The following BACH2 variants were observed in gnomAD, a reference collection of about 807,000 sequenced individuals.
BACH2 encodes BACH transcriptional regulator 2, also known as transcription regulator protein BACH2.
A neutral mutation model predicts 61.8 loss-of-function variants in BACH2; 5 were observed. That is an observed-to-expected ratio of 0.08 (90% CI 0.04 to 0.17). BACH2 has a LOEUF of 0.17. BACH2 is among the 10% of genes least tolerant of loss of function. The probability of loss-of-function intolerance (pLI) is 1.00; values close to 1 mark genes in which losing one functional copy is unlikely to be tolerated. For synonymous variants in BACH2, 446 were observed against 440.1 expected (o/e 1.01, Z -0.17); for missense variants, 824 against 1,091.1 (o/e 0.76, Z 3.45).
At chr6:90,173,811 G>A (rs1767897838) in intron 4 of BACH2, among the ~76,000 whole-genome samples, 1 of 152,090 alleles carries the variant, frequency 6.6e-6, no homozygotes, top group Non-Finnish European at 1.5e-5. Flanking sequence ...AAATATGTGA[G>A]TTTGATCATA....
At chr6:90,186,637 C>T (rs1461958491) in intron 4 of BACH2, among the ~76,000 whole-genome samples, 1 of 152,104 alleles carries the variant, frequency 6.6e-6, no homozygotes, top group Non-Finnish European at 1.5e-5. Context: ...TTAAATTAAA[C>T]TGGAGAAGTC....
chr6:90,237,806 T>A (rs1255049592), intron 3 of BACH2, among the ~76,000 whole-genome samples: 1 of 152,158 alleles, frequency 6.6e-6, no homozygotes, highest in Non-Finnish European at 1.5e-5. Context: ...GGGATGTTGA[T>A]CAAATCCAGG....
At chr6:90,216,496 T>C (rs1450853624) in intron 3 of BACH2, among the ~76,000 whole-genome samples, 1 of 152,138 alleles carries the variant, frequency 6.6e-6, no homozygotes, top group Non-Finnish European at 1.5e-5. Context: ...TAAACAGCAC[T>C]GGGAAACTCA....
chr6:90,126,087 TAAG>T (rs1783838455), intron 4 of BACH2, among the ~76,000 whole-genome samples: 1 of 152,176 alleles, frequency 6.6e-6, no homozygotes, highest in South Asian at 2.1e-4. Context: ...ACAGGTGGAA[TAAG>T]GTCTTTAATA....
At position 90,059,518 on chromosome 6, in the gene BACH2, C is replaced by T. The variant is rs559203927; in HGVS notation, c.-13+29443G>A. On this transcript the variant is annotated intron_variant, in intron 5 of 8. Coordinates refer to ENST00000257749, the MANE Select transcript of BACH2 (RefSeq NM_021813.4). ...GTGGAGAAATAGGAACACTTTTACACTGTTGGTAGGACTGTAAACTAGTTC... is the reference window on the plus strand; with the variant it reads ...GTGGAGAAATAGGAACACTTTTACATTGTTGGTAGGACTGTAAACTAGTTC... Among the ~76,000 whole-genome samples the T allele has an allele frequency of 9.8e-5, 15 of 152,294 alleles. No homozygotes were observed. In the East Asian group the frequency reaches 2.7e-3, roughly 27 times the overall value.
intron 1 of BACH2, among the ~76,000 whole-genome samples, chr6:90,283,046 CAG>C (rs965434688): frequency 2.6e-5 from 4 of 152,190 alleles, no homozygotes; most frequent in Non-Finnish European, 5.9e-5. Flanking sequence ...TCTGCCAATC[CAG>C]AGAGTGTGTA....
chr6:90,289,744 G>T (rs755178), intron 1 of BACH2, among the ~76,000 whole-genome samples: 2 of 152,176 alleles, frequency 1.3e-5, no homozygotes, highest in Admixed American at 1.3e-4. Context: ...TGCTGGCCAT[G>T]GGTTGGACAA....
chr6:90,224,757 G>A (rs1411448340), intron 3 of BACH2, among the ~76,000 whole-genome samples: 1 of 152,048 alleles, frequency 6.6e-6, no homozygotes, highest in Non-Finnish European at 1.5e-5. Flanking sequence ...CACTGGCTTA[G>A]GGACTTTGAG....
rs143679816 is a variant in BACH2 at position 90,233,843 on chromosome 6, C to T, written c.-275+18670G>A. ...CTGCGATCAGAGAGAATGCCAGCCA[C>T]GGCCCTATGGACCAGGGACAAGATA... is the stretch of plus-strand genomic sequence containing the variant. On this transcript the variant is annotated intron_variant, in intron 3 of 8. Transcript: ENST00000257749. Among the ~76,000 whole-genome samples, 12 of 152,262 alleles carry T rather than the reference C, an allele frequency of 7.9e-5. No homozygotes were observed. The East Asian group carries it at 9.6e-4, about 12-fold the overall frequency.
intron 4 of BACH2, among the ~76,000 whole-genome samples, chr6:90,166,979 C>T (rs1352149809): frequency 3.9e-5 from 6 of 152,074 alleles, no homozygotes; most frequent in Non-Finnish European, 7.4e-5. Flanking sequence ...CTGGGTGCAG[C>T]GCACCAACAT....
At chr6:90,193,410 CCTT>C (rs779988471) in intron 4 of BACH2, among the ~76,000 whole-genome samples, 6 of 152,114 alleles carry the variant, frequency 3.9e-5, no homozygotes, top group Non-Finnish European at 7.4e-5. Context: ...GAAAAGGTGA[CCTT>C]CTACAAGCCA....
At chr6:90,282,235 T>A (rs1026338818) in intron 1 of BACH2, among the ~76,000 whole-genome samples, 1 of 152,220 alleles carries the variant, frequency 6.6e-6, no homozygotes, top group South Asian at 2.1e-4. Flanking sequence ...CATGGAGGTA[T>A]GCTATACAGA....
At chr6:89,978,268 G>A (rs1445954907) in intron 6 of BACH2, among the ~76,000 whole-genome samples, 1 of 152,062 alleles carries the variant, frequency 6.6e-6, no homozygotes, top group Non-Finnish European at 1.5e-5. Flanking sequence ...GTATTCCTCT[G>A]CGTCTGGAAA....
Position 89,969,047 on chromosome 6 carries a change from A to G in BACH2, c.244-17185T>C, listed in dbSNP as rs1351458575. Among the ~76,000 whole-genome samples the G allele has an allele frequency of 1.5e-4, 20 of 136,132 alleles. No homozygotes were observed. In the East Asian group the frequency reaches 4.5e-3, roughly 30 times the overall value. 89.3% of individuals were successfully genotyped at this position (136,132 alleles called of 152,430 possible). A position where few individuals can be genotyped will look rare whatever the true frequency, so the allele number is the denominator to read the frequency against. ...AAAAAAGAATGTGTCTTAAAAATGT[A>G]GTCTTTTTTTTTTTTTTTTTTTTTA... On this transcript the variant is annotated intron_variant, in intron 6 of 8. Coordinates refer to ENST00000257749, the MANE Select transcript of BACH2 (RefSeq NM_021813.4).
chr6:90,178,422 C>G (rs1768049495), intron 4 of BACH2, among the ~76,000 whole-genome samples: 1 of 152,168 alleles, frequency 6.6e-6, no homozygotes, highest in Non-Finnish European at 1.5e-5. Context: ...GGGAAAAAAT[C>G]TGTTTGTTCC....
At chr6:90,108,357 A>G (rs1783017030) in intron 4 of BACH2, among the ~76,000 whole-genome samples, 1 of 152,208 alleles carries the variant, frequency 6.6e-6, no homozygotes, top group East Asian at 1.9e-4. Context: ...TTACCTGCTC[A>G]AGCTGTCAAT....
intron 1 of BACH2, among the ~76,000 whole-genome samples, chr6:90,278,096 A>C (rs1189052737): frequency 6.6e-6 from 1 of 152,246 alleles, no homozygotes; most frequent in East Asian, 1.9e-4. Flanking sequence ...GACACTTGGT[A>C]AATAATTTTC....
At chr6:90,273,277 G>C (rs1022654382) in intron 1 of BACH2, among the ~76,000 whole-genome samples, 2 of 152,026 alleles carry the variant, frequency 1.3e-5, no homozygotes, top group Non-Finnish European at 2.9e-5. Context: ...AGGATCACTC[G>C]AGCCCAGGAG....
intron 7 of BACH2, among the ~76,000 whole-genome samples, chr6:89,940,300 G>C (rs572490798): frequency 6.6e-6 from 1 of 152,188 alleles, no homozygotes; most frequent in East Asian, 1.9e-4. Context: ...GTGAACCATG[G>C]TGCCTGGCCT....
Sources: allele counts gnomAD v4.1 joint callset (sites outside exome capture counted in the v4.1 genomes callset), GRCh38; gene constraint gnomAD v4.1.1; transcripts MANE v1.5; gene names NCBI Gene and HGNC (gene_info 2026-07-23, HGNC 2026-07-21).